The following TEK variants were observed in gnomAD, a reference collection of about 807,000 sequenced individuals.
TEK encodes angiopoietin-1 receptor.
In TEK, 43 loss-of-function variants were observed where a neutral mutation model predicts 131.8. The ratio of observed to expected loss-of-function variants is 0.33; its 90% CI spans 0.26 to 0.42. TEK has a LOEUF of 0.42. Ranked by LOEUF, TEK falls within the 10% of genes least tolerant of loss-of-function variation. TEK has a pLI of 1.00. For synonymous variants in TEK, 580 were observed against 491.6 expected (o/e 1.18, Z -2.38); for missense variants, 1,162 against 1,384.4 (o/e 0.84, Z 2.55).
At chr9:27,225,006 A>C (rs1448832279) in intron 21 of TEK, among the ~76,000 whole-genome samples, 2 of 152,244 alleles carry the variant, frequency 1.3e-5, no homozygotes. Flanking sequence ...TCTCATTCAC[A>C]ACTGCTACAA....
In TEK at chr9:27,203,067, G is replaced by A; in HGVS notation, c.2157G>A (p.Gly719=). 2 of 1,614,126 alleles carry A rather than the reference G, an allele frequency of 1.2e-6. No homozygotes were observed. The highest frequency in any genetic ancestry group is 1.3e-5 in the African/African-American group (1 of 75,052). Residue 719 remains glycine (G), a synonymous_variant, in exon 13 of 23, where the codon GGG becomes GGA. Transcript: ENST00000380036. ...QVDIFAENNI[G]SSNPAFSHEL... ...ACATTTTTGCAGAGAACAACATAGGGTCAAGCAACCCAGCCTTTTCTCATG... is the reference window on the plus strand; with the variant it reads ...ACATTTTTGCAGAGAACAACATAGGATCAAGCAACCCAGCCTTTTCTCATG...
At chr9:27,113,376 G>A (rs1464959198) in intron 1 of TEK, among the ~76,000 whole-genome samples, 1 of 152,082 alleles carries the variant, frequency 6.6e-6, no homozygotes, top group Non-Finnish European at 1.5e-5. Context: ...GGATCATGAG[G>A]TCAAGAGATC....
intron 16 of TEK, among the ~76,000 whole-genome samples, 162 bp downstream of exon 16, chr9:27,209,393 G>A (rs994497433): frequency 6.6e-6 from 1 of 152,138 alleles, no homozygotes; most frequent in African/African-American, 2.4e-5. Flanking sequence ...AGACTGTGCT[G>A]TGGTTTGCCT....
At chr9:27,206,434 G>A in intron 14 of TEK, 148 bp from the exon 15 acceptor site, 3 of 953,808 alleles carry the variant, frequency 3.1e-6, no homozygotes, top group Non-Finnish European at 4.7e-6. Context: ...GGGCAGTCCT[G>A]TGTGATGAAA....
chr9:27,115,435 G>T (rs960899486), intron 1 of TEK, among the ~76,000 whole-genome samples: 1 of 152,084 alleles, frequency 6.6e-6, no homozygotes, highest in Admixed American at 6.5e-5. Flanking sequence ...GGAGGTCAAG[G>T]CTGCAGTGAG....
At chr9:27,183,670 C>T (rs1824484672) in intron 8 of TEK, 60 bp downstream of exon 8, 9 of 1,593,460 alleles carry the variant, frequency 5.6e-6, no homozygotes, top group Admixed American at 1.7e-5. Context: ...GTAGTAATCA[C>T]CCCACTAAAT....
rs1824856821 is a variant in TEK, at chr9:27,192,481, C to T, written c.1490-8C>T. The T allele has an allele frequency of 2.5e-6, 4 of 1,613,758 alleles. No homozygotes were observed. Among genetic ancestry groups the T allele is most frequent in the East Asian group, 4.5e-5 (2 of 44,860 alleles). On this transcript the variant is annotated splice_region_variant and splice_polypyrimidine_tract_variant and intron_variant, in intron 10 of 22. Transcript: ENST00000380036. ...AACTTAAGTTTCCTGGACGTTTTCT[C>T]TTCTCAGTGACAAATGAGATTGTTA... is the stretch of plus-strand genomic sequence containing the variant.
intron 18 of TEK, among the ~76,000 whole-genome samples, chr9:27,216,493 A>T (rs1363505292): frequency 6.6e-6 from 1 of 152,200 alleles, no homozygotes; most frequent in Non-Finnish European, 1.5e-5. Flanking sequence ...CTGTAGAGAG[A>T]GTTAGAATAA....
At chr9:27,193,100 T>G (rs1233429216) in intron 11 of TEK, among the ~76,000 whole-genome samples, 1 of 152,124 alleles carries the variant, frequency 6.6e-6, no homozygotes, top group Admixed American at 6.5e-5. Flanking sequence ...ATGGTCAGAG[T>G]CATGACATCA....
At chr9:27,224,997 C>G (rs887258662) in intron 21 of TEK, among the ~76,000 whole-genome samples, 1 of 152,200 alleles carries the variant, frequency 6.6e-6, no homozygotes, top group Admixed American at 6.5e-5. Flanking sequence ...TGAGTGAACT[C>G]TCATTCACAA....
At chr9:27,124,960 G>A (rs1163879535) in intron 1 of TEK, among the ~76,000 whole-genome samples, 5 of 152,184 alleles carry the variant, frequency 3.3e-5, no homozygotes, top group Non-Finnish European at 7.3e-5. Flanking sequence ...AGGGCTTGAA[G>A]GAGTGACCTT....
At chr9:27,116,464 C>T (rs147440792) in intron 1 of TEK, among the ~76,000 whole-genome samples, 2,020 of 152,018 alleles carry the variant, frequency 0.013, 42 homozygotes, top group African/African-American at 0.046. Flanking sequence ...AATTTTTGTA[C>T]TTTTAGTAGA....
intron 22 of TEK, among the ~76,000 whole-genome samples, 165 bp from the exon 23 acceptor site, chr9:27,228,993 G>A (rs190790921): frequency 1.3e-5 from 2 of 152,184 alleles, no homozygotes; most frequent in South Asian, 4.1e-4. Flanking sequence ...ATTTTAGGAA[G>A]AAAGTCATCA....
At chr9:27,118,483 TA>T (rs1398271993) in intron 1 of TEK, among the ~76,000 whole-genome samples, 3 of 152,008 alleles carry the variant, frequency 2.0e-5, no homozygotes, top group East Asian at 3.9e-4. Flanking sequence ...ATAATACAAA[TA>T]TTGGCTGGGT....
In TEK at chr9:27,173,977, A is replaced by G. The variant is rs374773259; in HGVS notation, c.901+615A>G. On this transcript the variant is annotated intron_variant, in intron 6 of 22. Coordinates refer to ENST00000380036, the MANE Select transcript of TEK (RefSeq NM_000459.5). ...AGCTTTTATGTCAGATCCAGACAGG[A>G]TTTGGGGCTCAAAAATTGAAGAAGT... Among the ~76,000 whole-genome samples, 161 of 151,884 alleles carry G rather than the reference A, an allele frequency of 1.1e-3. 2 individuals are homozygous for G. The South Asian group carries it at 0.027, about 26-fold the overall frequency.
chr9:27,195,532 C>G (rs996405399), intron 11 of TEK: 4 of 378,598 alleles, frequency 1.1e-5, no homozygotes, highest in Middle Eastern at 7.1e-4. Context: ...ATTTTTTTGC[C>G]CCATAGGAGT....
chr9:27,112,143 C>G (rs891680615), intron 1 of TEK, among the ~76,000 whole-genome samples: 1 of 152,136 alleles, frequency 6.6e-6, no homozygotes, highest in African/African-American at 2.4e-5. Flanking sequence ...AAGTGATCCG[C>G]CCGCCTCGGC....
At position 27,169,514 on chromosome 9, in the gene TEK, T is replaced by C; in HGVS notation, c.513T>C (p.Pro171=). 1 of 1,614,130 alleles carries C rather than the reference T, an allele frequency of 6.2e-7. No homozygotes were observed. The highest frequency in any genetic ancestry group is 8.5e-7 in the Non-Finnish European group (1 of 1,179,974). ...ATTCAGTGCCCCGGCATGAAGTACC[T>C]GATATTCTAGAAGTACACCTGCCTC... ...FIHSVPRHEV[P]DILEVHLPHA... The change falls in exon 4 of 23, where the codon CCT becomes CCC. Residue 171 remains proline (P), a synonymous_variant. Transcript: ENST00000380036.
chr9:27,142,114 G>T (rs143631371), intron 1 of TEK, among the ~76,000 whole-genome samples: 1 of 152,286 alleles, frequency 6.6e-6, no homozygotes, highest in African/African-American at 2.4e-5. Flanking sequence ...AAAATTTGCA[G>T]TAGTTGAAGT....
Sources: gnomAD v4.1 joint callset for allele counts (sites outside exome capture counted in the v4.1 genomes callset) on GRCh38, gnomAD v4.1.1 for gene constraint, MANE v1.5 for transcripts, NCBI Gene and HGNC (gene_info 2026-07-23, HGNC 2026-07-21) for gene names.